The following CFTR variants were observed in gnomAD, a reference collection of about 807,000 sequenced individuals.
CFTR encodes CF transmembrane conductance regulator, also known as cystic fibrosis transmembrane conductance regulator.
Under a neutral mutation model 171.6 loss-of-function variants are expected in CFTR, and 181 were observed. That is an observed-to-expected ratio of 1.05 (90% confidence interval 0.93 to 1.19). The LOEUF (loss-of-function observed/expected upper bound fraction) is 1.19. Among genes scored for constraint, CFTR ranks in the 50% most tolerant of loss-of-function variants. The probability of loss-of-function intolerance (pLI) is 0.00; values close to 1 mark genes in which losing one functional copy is unlikely to be tolerated. For missense variants in CFTR, 1,968 were observed against 1,734.7 expected, an observed-to-expected ratio of 1.13 and a Z score of -2.39; for synonymous variants, 583 against 608.0, an observed-to-expected ratio of 0.96 and a Z score of 0.60.
At chr7:117,576,790 T>G (rs927393014) in intron 11 of CFTR, among the ~76,000 whole-genome samples, 5 of 152,076 alleles carry the variant, frequency 3.3e-5, no homozygotes, top group Non-Finnish European at 7.4e-5. Flanking sequence ...AGCTCTTTCA[T>G]TAAGTTGTCC....
At chr7:117,654,634 C>T (rs1042671309) in intron 24 of CFTR, among the ~76,000 whole-genome samples, 1 of 152,206 alleles carries the variant, frequency 6.6e-6, no homozygotes, top group Admixed American at 6.5e-5. Flanking sequence ...CTTGCACCCT[C>T]TTTCTTGCCT....
In CFTR at chr7:117,638,463, G is replaced by A. The variant is rs117834826; in HGVS notation, c.3718-3975G>A. Among the ~76,000 whole-genome samples, 71 of 151,924 alleles carry A rather than the reference G, an allele frequency of 4.7e-4. No homozygotes were observed. The East Asian group carries it at 9.1e-3, about 19-fold the overall frequency. On this transcript the variant is annotated intron_variant, in intron 22 of 26. Transcript: ENST00000003084. Reference sequence around the variant, plus strand: ...AATAGGAATTGATTCTTAAAATGTCGTTCTGCTCACGCCTGTAATTCCAGC... The same window carrying A: ...AATAGGAATTGATTCTTAAAATGTCATTCTGCTCACGCCTGTAATTCCAGC...
chr7:117,537,991 G>T (rs563167538), intron 7 of CFTR, among the ~76,000 whole-genome samples: 2 of 152,234 alleles, frequency 1.3e-5, no homozygotes, highest in Admixed American at 1.3e-4. Flanking sequence ...GTCATTCTTG[G>T]TGCTGATTTT....
intron 10 of CFTR, 34 bp downstream of exon 10, chr7:117,548,857 A>G (rs763858539): frequency 6.3e-6 from 10 of 1,587,156 alleles, no homozygotes; most frequent in African/African-American, 1.3e-5. Flanking sequence ...TAAGAACTTA[A>G]TTTGGTGTCC....
intron 11 of CFTR, among the ~76,000 whole-genome samples, chr7:117,579,229 T>TATAAAATAA (rs1791816342): frequency 6.6e-6 from 1 of 151,928 alleles, no homozygotes; most frequent in Non-Finnish European, 1.5e-5. Flanking sequence ...AAGATCTGGA[T>TATAAAATAA]GAATAGAAAG....
chr7:117,500,266 T>A (rs1459310968), intron 1 of CFTR, among the ~76,000 whole-genome samples: 1 of 150,862 alleles, frequency 6.6e-6, no homozygotes, highest in African/African-American at 2.4e-5. Context: ...TGGGACATAA[T>A]TTTCTTCCTT....
chr7:117,552,672 T>G (rs953519093), intron 10 of CFTR, among the ~76,000 whole-genome samples: 1 of 152,134 alleles, frequency 6.6e-6, no homozygotes, highest in Non-Finnish European at 1.5e-5. Context: ...TCCAGGTAAC[T>G]TTTTTTAGTA....
intron 1 of CFTR, among the ~76,000 whole-genome samples, chr7:117,500,557 T>C (rs1314135558): frequency 6.6e-6 from 1 of 152,150 alleles, no homozygotes; most frequent in African/African-American, 2.4e-5. Flanking sequence ...CCCAAAGTGC[T>C]GGGATTACAG....
At chr7:117,648,728 T>G (rs1317279472) in intron 23 of CFTR, among the ~76,000 whole-genome samples, 1 of 152,070 alleles carries the variant, frequency 6.6e-6, no homozygotes, top group Non-Finnish European at 1.5e-5. Context: ...CCAAAGACCT[T>G]TCAAATTTGG....
chr7:117,523,854 C>T (rs1053468087), intron 3 of CFTR, among the ~76,000 whole-genome samples: 1 of 152,126 alleles, frequency 6.6e-6, no homozygotes, highest in South Asian at 2.1e-4. Flanking sequence ...TTTTATTTCA[C>T]ATTACTCAAA....
chr7:117,614,123 A>G (rs1792447008), intron 20 of CFTR, among the ~76,000 whole-genome samples: 1 of 151,392 alleles, frequency 6.6e-6, no homozygotes, highest in South Asian at 2.1e-4. Flanking sequence ...ATAGCATGCA[A>G]TTAGCAAAGG....
chr7:117,629,411 G>A (rs556180990), intron 22 of CFTR, among the ~76,000 whole-genome samples: 1 of 152,254 alleles, frequency 6.6e-6, no homozygotes, highest in Non-Finnish European at 1.5e-5. Context: ...GAGCAAAGGA[G>A]CTTGGCTTTA....
At chr7:117,633,074 G>T (rs1792774426) in intron 22 of CFTR, among the ~76,000 whole-genome samples, 1 of 152,120 alleles carries the variant, frequency 6.6e-6, no homozygotes. Flanking sequence ...TTTTGATTGT[G>T]ATTGGCTTGA....
intron 1 of CFTR, among the ~76,000 whole-genome samples, chr7:117,484,712 T>G (rs574489433): frequency 1.3e-5 from 2 of 151,514 alleles, no homozygotes; most frequent in East Asian, 3.9e-4. Context: ...ATAAAATATC[T>G]TTGTATATGT....
In CFTR at chr7:117,592,671, G is replaced by A. The variant is rs573016418; in HGVS notation, c.2490+14G>A. 4 of 1,508,074 alleles carry A rather than the reference G, an allele frequency of 2.7e-6. No individual in the cohort carries two copies. Among genetic ancestry groups the A allele is most frequent in the East Asian group, 4.6e-5 (2 of 43,448 alleles). 93.4% of individuals were successfully genotyped at this position (1,508,074 alleles called of 1,614,324 possible). The stretch of plus-strand genomic sequence containing the variant: ...GAAGACTTAAAGGTAGGTATACATC[G>A]CTTGGGGGTATTTCACCCCACAGAA... On this transcript the variant is annotated intron_variant, in intron 14 of 26. Transcript: ENST00000003084.
intron 11 of CFTR, 37 bp downstream of exon 11, chr7:117,559,692 T>C (rs375480499): frequency 2.8e-6 from 4 of 1,429,152 alleles, no homozygotes; most frequent in Admixed American, 1.7e-5. Flanking sequence ...ATTATGCATA[T>C]GAACCCTTCA....
chr7:117,603,885 T>C (rs996206221), intron 17 of CFTR, 103 bp downstream of exon 17: 11 of 1,261,108 alleles, frequency 8.7e-6, no homozygotes, highest in Non-Finnish European at 1.3e-5. Flanking sequence ...CACAGAGGCA[T>C]GTGCCCTTTG....
rs759310470 is a variant in CFTR, at chr7:117,531,066, C to G, written c.441C>G (p.His147Gln). 9 of 1,613,612 alleles carry G rather than the reference C, an allele frequency of 5.6e-6. No homozygotes were observed. Among genetic ancestry groups the G allele is most frequent in the Non-Finnish European group, 7.6e-6 (9 of 1,179,842 alleles). The stretch of plus-strand genomic sequence containing the variant: ...ACCCAGCCATTTTTGGCCTTCATCA[C>G]ATTGGAATGCAGATGAGAATAGCTA... ...LLHPAIFGLH[H>Q]IGMQMRIAMF... The change falls in exon 4 of 27, where the codon CAC becomes CAG. Residue 147 changes from histidine to glutamine, a missense_variant. Transcript: ENST00000003084.
chr7:117,637,523 C>A (rs911868636), intron 22 of CFTR, among the ~76,000 whole-genome samples: 2 of 152,034 alleles, frequency 1.3e-5, no homozygotes, highest in African/African-American at 4.8e-5. Context: ...TCTGAAAAAA[C>A]CCTGATAGGT....
Sources: allele counts gnomAD v4.1 joint callset (sites outside exome capture counted in the v4.1 genomes callset), GRCh38; gene constraint gnomAD v4.1.1; transcripts MANE v1.5; gene names NCBI Gene and HGNC (gene_info 2026-07-23, HGNC 2026-07-21).